Variants in P2RY14 observed in about 807,000 individuals in gnomAD.
P2RY14 encodes purinergic receptor P2Y14.
In P2RY14, 2 loss-of-function variants were observed where a neutral mutation model predicts 0.9. The ratio of observed to expected loss-of-function variants is 2.16; its 90% CI spans 0.88 to 6.79. The LOEUF is 6.79. P2RY14 is among the 30% of genes most tolerant of loss of function. The pLI is 0.05. For missense variants in P2RY14, 378 were observed against 400.1 expected (o/e 0.94, Z 0.47); for synonymous variants, 158 against 147.2 (o/e 1.07, Z -0.53).
chr3:151,226,948 G>A (rs1274148915), intron 1 of P2RY14, among the ~76,000 whole-genome samples: 1 of 152,194 alleles, frequency 6.6e-6, no homozygotes, highest in Non-Finnish European at 1.5e-5. Context: ...CAGATCTGCT[G>A]CATGTGGTTT....
chr3:151,260,644 C>T (rs1198082339), intron 1 of P2RY14, among the ~76,000 whole-genome samples: 2 of 152,200 alleles, frequency 1.3e-5, no homozygotes, highest in East Asian at 1.9e-4. Flanking sequence ...AACCACTGCA[C>T]CTGGCCCTAA....
At chr3:151,250,738 A>C (rs1394848160) in intron 1 of P2RY14, among the ~76,000 whole-genome samples, 1 of 152,190 alleles carries the variant, frequency 6.6e-6, no homozygotes, top group Non-Finnish European at 1.5e-5. Flanking sequence ...TGGGTATACA[A>C]ATATCTGCTT....
chr3:151,219,896 C>T (rs978018899), intron 1 of P2RY14, among the ~76,000 whole-genome samples: 14 of 135,102 alleles, frequency 1.0e-4, no homozygotes, highest in African/African-American at 3.3e-4. Flanking sequence ...ATATTACCCC[C>T]CCCCCCCCCT....
In P2RY14 at chr3:151,268,105, ACTT is replaced by A. The variant is rs370142438; in HGVS notation, c.-133+10179_-133+10181del. On this transcript the variant is annotated intron_variant, in intron 1 of 2. Coordinates refer to ENST00000309170, the MANE Select transcript of P2RY14 (RefSeq NM_014879.4). The stretch of plus-strand genomic sequence containing the variant: ...GTGGTAGTCTTTAAACAGTGGGAAT[ACTT>A]CTTTTTATGTTTTCAGCTTACATGT... Among the ~76,000 whole-genome samples, 13 of 152,216 alleles carry A rather than the reference ACTT, an allele frequency of 8.5e-5. No individual in the cohort carries two copies. In the South Asian group the frequency reaches 2.7e-3, roughly 32 times the overall value.
rs1286590361 is a variant in P2RY14 at position 151,243,374 on chromosome 3, G to T, written c.-132-23732C>A. The stretch of plus-strand genomic sequence containing the variant: ...TTAAGGGCAGCCAGAGAGAAAGGTC[G>T]GGTTACCCTCAAAGGGAAGCCCATC... On this transcript the variant is annotated intron_variant, in intron 1 of 2. Coordinates refer to ENST00000309170, the MANE Select transcript of P2RY14 (RefSeq NM_014879.4). Among the ~76,000 whole-genome samples, 182 of 147,264 alleles carry T rather than the reference G, an allele frequency of 1.2e-3. 2 individuals carry two copies. The highest frequency in any genetic ancestry group is 4.3e-3 in the African/African-American group (170 of 39,438).
chr3:151,244,518 C>T, intron 1 of P2RY14, among the ~76,000 whole-genome samples: 1 of 149,006 alleles, frequency 6.7e-6, no homozygotes, highest in East Asian at 2.0e-4. Flanking sequence ...TGAATGACTA[C>T]TGGGTACATA....
intron 1 of P2RY14, among the ~76,000 whole-genome samples, chr3:151,258,422 T>TA (rs879809840): frequency 2.0e-5 from 3 of 152,176 alleles, no homozygotes; most frequent in South Asian, 2.1e-4. Context: ...AAGAATAAAA[T>TA]AAAAAGACTG....
chr3:151,253,386 A>G (rs558941428), intron 1 of P2RY14, among the ~76,000 whole-genome samples: 6 of 152,292 alleles, frequency 3.9e-5, no homozygotes, highest in African/African-American at 1.2e-4. Context: ...TAAGATACAC[A>G]TTTTAATATG....
intron 1 of P2RY14, among the ~76,000 whole-genome samples, chr3:151,242,449 C>CA (rs1483236849): frequency 6.6e-6 from 1 of 152,004 alleles, no homozygotes; most frequent in East Asian, 1.9e-4. Context: ...ACTGCCTCCT[C>CA]AAGTGGGTCC....
intron 1 of P2RY14, among the ~76,000 whole-genome samples, chr3:151,271,620 T>G (rs1354497340): frequency 6.6e-6 from 1 of 152,132 alleles, no homozygotes; most frequent in Non-Finnish European, 1.5e-5. Context: ...ATCAACAGAT[T>G]AAAATGGGTA....
At chr3:151,242,412 C>T (rs1169151699) in intron 1 of P2RY14, among the ~76,000 whole-genome samples, 27 of 152,222 alleles carry the variant, frequency 1.8e-4, no homozygotes, top group Middle Eastern at 3.4e-3. Flanking sequence ...TCTCCCAGCA[C>T]GCAGCTGGAG....
intron 1 of P2RY14, among the ~76,000 whole-genome samples, chr3:151,274,869 T>A (rs979039545): frequency 6.6e-6 from 1 of 152,144 alleles, no homozygotes; most frequent in African/African-American, 2.4e-5. Flanking sequence ...TCCTAGAATG[T>A]TGGCTGCCTC....
intron 1 of P2RY14, among the ~76,000 whole-genome samples, chr3:151,229,251 G>T (rs1321663045): frequency 6.6e-6 from 1 of 150,828 alleles, no homozygotes; most frequent in Non-Finnish European, 1.5e-5. Flanking sequence ...CTGTTAGAGG[G>T]TTCTTTGATT....
intron 1 of P2RY14, among the ~76,000 whole-genome samples, chr3:151,272,883 G>A (rs1400616171): frequency 6.6e-6 from 1 of 152,136 alleles, no homozygotes; most frequent in African/African-American, 2.4e-5. Flanking sequence ...GCAGGGAGAG[G>A]TTAAGGAACA....
chr3:151,253,626 G>T (rs1207421062), intron 1 of P2RY14, among the ~76,000 whole-genome samples: 1 of 152,168 alleles, frequency 6.6e-6, no homozygotes, highest in Non-Finnish European at 1.5e-5. Context: ...AGATGGTGAT[G>T]GCTGTGTCTT....
chr3:151,269,124 T>A (rs1222479191), intron 1 of P2RY14, among the ~76,000 whole-genome samples: 1 of 151,990 alleles, frequency 6.6e-6, no homozygotes, highest in African/African-American at 2.4e-5. Context: ...CAAAAGGAAA[T>A]ACAGGCTGGG....
At chr3:151,258,093 T>A (rs1326559592) in intron 1 of P2RY14, among the ~76,000 whole-genome samples, 1 of 152,184 alleles carries the variant, frequency 6.6e-6, no homozygotes, top group Non-Finnish European at 1.5e-5. Context: ...AATCTGTGGG[T>A]CCCTGAGTTG....
intron 1 of P2RY14, among the ~76,000 whole-genome samples, chr3:151,243,447 G>C (rs1484873943): frequency 1.3e-5 from 2 of 152,038 alleles, no homozygotes; most frequent in African/African-American, 4.8e-5. Context: ...CCAGAAGAGA[G>C]TGGGGGCCAA....
intron 1 of P2RY14, among the ~76,000 whole-genome samples, chr3:151,246,170 A>G (rs1156632414): frequency 6.6e-6 from 1 of 152,210 alleles, no homozygotes; most frequent in Non-Finnish European, 1.5e-5. Context: ...AGGAAGAATA[A>G]ATATCGTGAA....
Sources: allele counts gnomAD v4.1 joint callset (sites outside exome capture counted in the v4.1 genomes callset), GRCh38; gene constraint gnomAD v4.1.1; transcripts MANE v1.5; gene names NCBI Gene and HGNC (gene_info 2026-07-23, HGNC 2026-07-21).